The following ROBO1 variants were observed in gnomAD, a reference collection of about 807,000 sequenced individuals.
ROBO1 encodes roundabout guidance receptor 1, also known as roundabout homolog 1.
In ROBO1, 149 loss-of-function variants were observed where a neutral mutation model predicts 195.9. The observed-to-expected ratio is 0.76, with a 90% CI of 0.67 to 0.87. The LOEUF (loss-of-function observed/expected upper bound fraction) is 0.87, where lower values mean the gene tolerates loss of function less well. Among genes scored for constraint, ROBO1 ranks in the 40% least tolerant of loss-of-function variants. ROBO1 has a pLI of 0.00. For synonymous variants in ROBO1, 816 were observed against 733.2 expected (o/e 1.11, Z -1.82); for missense variants, 1,933 against 2,068.3 (o/e 0.93, Z 1.27).
chr3:78,728,557 T>C (rs917846623), intron 5 of ROBO1, among the ~76,000 whole-genome samples: 1 of 152,082 alleles, frequency 6.6e-6, no homozygotes, highest in Non-Finnish European at 1.5e-5. Context: ...GAAGGGTATT[T>C]CATCATTTAC....
chr3:79,144,616 T>C (rs997849057), intron 2 of ROBO1, among the ~76,000 whole-genome samples: 1 of 152,018 alleles, frequency 6.6e-6, no homozygotes, highest in Non-Finnish European at 1.5e-5. Context: ...ACTAGAGCTT[T>C]GTAGGTCCTT....
chr3:79,584,381 C>G (rs1360845833), intron 2 of ROBO1, among the ~76,000 whole-genome samples: 1 of 150,616 alleles, frequency 6.6e-6, no homozygotes, highest in Non-Finnish European at 1.5e-5. Flanking sequence ...AACTGACTTC[C>G]ATTTCTCACC....
chr3:78,920,953 A>G (rs1015344498), intron 4 of ROBO1, among the ~76,000 whole-genome samples: 2 of 152,140 alleles, frequency 1.3e-5, no homozygotes, highest in Non-Finnish European at 2.9e-5. Context: ...AGTGTTGGTT[A>G]TAACAGGCAT....
intron 4 of ROBO1, among the ~76,000 whole-genome samples, chr3:78,859,137 C>T (rs770293876): frequency 6.6e-6 from 1 of 152,034 alleles, no homozygotes; most frequent in Non-Finnish European, 1.5e-5. Context: ...GTGAGTCATG[C>T]CAGGGTGACA....
intron 2 of ROBO1, among the ~76,000 whole-genome samples, chr3:79,294,987 T>A (rs1227906342): frequency 1.3e-5 from 2 of 152,204 alleles, no homozygotes; most frequent in African/African-American, 2.4e-5. Context: ...GGAACGTTTT[T>A]ACACTGTTGG....
At chr3:79,733,970 A>G (rs1348655421) in intron 1 of ROBO1, among the ~76,000 whole-genome samples, 1 of 122,496 alleles carries the variant, frequency 8.2e-6, no homozygotes, top group Non-Finnish European at 1.7e-5. Context: ...TTTTTTTTTG[A>G]CAAAGTTCAC....
intron 3 of ROBO1, among the ~76,000 whole-genome samples, chr3:78,963,110 T>TATAC (rs1560055536): frequency 6.6e-6 from 1 of 151,318 alleles, no homozygotes; most frequent in African/African-American, 2.4e-5. Context: ...TATATATATA[T>TATAC]TACCTTGCAA....
At chr3:79,272,501 A>G (rs1215053716) in intron 2 of ROBO1, among the ~76,000 whole-genome samples, 1 of 152,114 alleles carries the variant, frequency 6.6e-6, no homozygotes, top group African/African-American at 2.4e-5. Flanking sequence ...TATTAAGGAA[A>G]GAGGCACTGA....
rs971457985 is a variant in ROBO1 at position 78,761,489 on chromosome 3, A to G, written c.500-14589T>C. Among the ~76,000 whole-genome samples the G allele has an allele frequency of 2.0e-5, 3 of 152,300 alleles. No homozygotes were observed. In the East Asian group the frequency reaches 5.8e-4, roughly 29 times the overall value. On this transcript the variant is annotated intron_variant, in intron 4 of 30. Coordinates refer to ENST00000464233, the MANE Select transcript of ROBO1 (RefSeq NM_002941.4). ...ATTCTATGTTCTGAAAGTTGAACCAAGTACTTCTACTGAACTTAGTTATAA... is the reference window on the plus strand; with the variant it reads ...ATTCTATGTTCTGAAAGTTGAACCAGGTACTTCTACTGAACTTAGTTATAA...
intron 2 of ROBO1, among the ~76,000 whole-genome samples, chr3:79,448,434 C>T (rs958077816): frequency 1.3e-5 from 2 of 152,052 alleles, no homozygotes; most frequent in Non-Finnish European, 2.9e-5. Flanking sequence ...CTTTCTTATG[C>T]TTTGTAAGGG....
At chr3:79,069,531 G>A (rs1478141936) in intron 3 of ROBO1, among the ~76,000 whole-genome samples, 1 of 151,792 alleles carries the variant, frequency 6.6e-6, no homozygotes, top group Non-Finnish European at 1.5e-5. Context: ...ACATCCTTTT[G>A]CTCTTAGATT....
At chr3:79,197,466 CTT>C (rs1223284510) in intron 2 of ROBO1, among the ~76,000 whole-genome samples, 1 of 152,056 alleles carries the variant, frequency 6.6e-6, no homozygotes, top group Non-Finnish European at 1.5e-5. Context: ...GGTTCCAAGA[CTT>C]TGCCATTGTG....
rs532093295 is a variant in ROBO1, at chr3:79,338,821, T to C, written c.89-213282A>G. 2.6e-5 allele frequency among the ~76,000 whole-genome samples: 4 copies of C among 152,330 alleles called. No individual in the cohort carries two copies. The East Asian group carries it at 7.7e-4, about 29-fold the overall frequency. On this transcript the variant is annotated intron_variant, in intron 2 of 30. Transcript: ENST00000464233. Reference sequence around the variant, plus strand: ...TTGATGGTTCTCAAATGTATATCTCTATTCCTACTTCTCACCTGAACTCCA... The same window carrying C: ...TTGATGGTTCTCAAATGTATATCTCCATTCCTACTTCTCACCTGAACTCCA...
At chr3:78,782,976 C>T (rs2083723585) in intron 4 of ROBO1, among the ~76,000 whole-genome samples, 1 of 152,094 alleles carries the variant, frequency 6.6e-6, no homozygotes, top group Admixed American at 6.5e-5. Flanking sequence ...ATGTGCTGGG[C>T]AATCATATAG....
At chr3:79,727,572 G>A (rs1702974865) in intron 1 of ROBO1, among the ~76,000 whole-genome samples, 1 of 152,048 alleles carries the variant, frequency 6.6e-6, no homozygotes, top group Non-Finnish European at 1.5e-5. Context: ...GAAACCATGA[G>A]TGTTTCTATG....
chr3:79,662,087 G>T (rs2106835287), intron 1 of ROBO1, among the ~76,000 whole-genome samples: 1 of 152,042 alleles, frequency 6.6e-6, no homozygotes, highest in South Asian at 2.1e-4. Flanking sequence ...CCTGAAAGTG[G>T]CCTTCTAAAT....
At chr3:79,598,154 C>T (rs764980030) in intron 1 of ROBO1, among the ~76,000 whole-genome samples, 35 of 152,074 alleles carry the variant, frequency 2.3e-4, no homozygotes, top group Non-Finnish European at 4.6e-4. Flanking sequence ...TCTATGTCCA[C>T]ATTGTACTTA....
chr3:79,642,472 T>C (rs890849225), intron 1 of ROBO1, among the ~76,000 whole-genome samples: 9 of 151,854 alleles, frequency 5.9e-5, no homozygotes, highest in Non-Finnish European at 1.2e-4. Context: ...CCCAAAAATA[T>C]AATAAAACTC....
chr3:78,683,634 T>C (rs1217668005), intron 10 of ROBO1, among the ~76,000 whole-genome samples: 1 of 152,026 alleles, frequency 6.6e-6, no homozygotes, highest in Admixed American at 6.6e-5. Flanking sequence ...CACAAATCTA[T>C]GTTTATTGGA....
Sources: gnomAD v4.1 joint callset for allele counts (sites outside exome capture counted in the v4.1 genomes callset) on GRCh38, gnomAD v4.1.1 for gene constraint, MANE v1.5 for transcripts, NCBI Gene and HGNC (gene_info 2026-07-23, HGNC 2026-07-21) for gene names.